ADAP1: variants seen among roughly 807,000 people sequenced by gnomAD.
ADAP1 encodes the protein arf-GAP with dual PH domain-containing protein 1.
ADAP1 carries 31 observed loss-of-function variants against 54.9 expected under a neutral mutation model. The ratio of observed to expected loss-of-function variants is 0.56; its 90% CI spans 0.42 to 0.76. The LOEUF (loss-of-function observed/expected upper bound fraction) is 0.76, where lower values mean the gene tolerates loss of function less well. Among genes scored for constraint, ADAP1 ranks in the 30% least tolerant of loss-of-function variants. The pLI, the probability that ADAP1 is intolerant of heterozygous loss-of-function variation, is 0.00. For missense variants in ADAP1, 535 were observed against 512.4 expected, an observed-to-expected ratio of 1.04 and a Z score of -0.42; for synonymous variants, 313 against 202.6, an observed-to-expected ratio of 1.55 and a Z score of -4.63.
intron 4 of ADAP1, among the ~76,000 whole-genome samples, chr7:910,187 G>C (rs575418679): frequency 4.6e-5 from 7 of 152,126 alleles, no homozygotes; most frequent in African/African-American, 1.7e-4. Flanking sequence ...ACAGTGAAGC[G>C]CGCACATCAC....
intron 4 of ADAP1, among the ~76,000 whole-genome samples, chr7:909,472 A>G (rs1479886861): frequency 6.6e-6 from 1 of 152,194 alleles, no homozygotes; most frequent in African/African-American, 2.4e-5. Context: ...TCCAGGGGCA[A>G]TGACGACGCA....
chr7:911,527 G>T (rs1367198619), intron 4 of ADAP1, among the ~76,000 whole-genome samples: 1 of 147,172 alleles, frequency 6.8e-6, no homozygotes, highest in East Asian at 2.5e-4. Context: ...AGACAAACAT[G>T]CCAGGAAAGG....
In ADAP1 at chr7:943,438, GGAGGAGGAAGGGAGC is replaced by G. The variant is rs1847037505; in HGVS notation, c.83-7948_83-7934del. Among the ~76,000 whole-genome samples the G allele has an allele frequency of 1.2e-3, 9 of 7,578 alleles. 3 individuals carry two copies. In the East Asian group the frequency reaches 0.02, roughly 17 times the overall value. 5.0% of individuals were successfully genotyped at this position (7,578 alleles called of 152,430 possible). ...GAAGGGAATGAGGAGGAGGAAGAGA[GGAGGAGGAAGGGAGC>G]GAGGAGGAAGGGAGAGAGGAGGAAG... On this transcript the variant is annotated intron_variant, in intron 1 of 10. Coordinates refer to ENST00000265846, the MANE Select transcript of ADAP1 (RefSeq NM_006869.4).
In ADAP1 at chr7:899,117, A is replaced by C. The variant is rs1342609947; in HGVS notation, c.1012T>G (p.Cys338Gly). 1 of 1,609,150 alleles carries C rather than the reference A, an allele frequency of 6.2e-7. No individual in the cohort carries two copies. The highest frequency in any genetic ancestry group is 2.2e-5 in the East Asian group (1 of 44,874). ...VTPDRKFLFA[C>G]ETESDQREWV... The stretch of plus-strand genomic sequence containing the variant: ...TCCCTCTGGTCGGACTCCGTCTCGC[A>C]GGCAAACAGAAACTTGCGGTCGGGC... Residue 338 changes from cysteine (C) to glycine (G), a missense_variant, in exon 10 of 11, where the codon TGC (cysteine) becomes GGC (glycine). Transcript: ENST00000265846.
intron 7 of ADAP1, 64 bp from the exon 8 acceptor site, chr7:900,228 C>T (rs1329248790): frequency 1.1e-5 from 17 of 1,580,334 alleles, no homozygotes; most frequent in African/African-American, 4.0e-5. Context: ...CCCTCCCTGG[C>T]TGTGCCCCTC....
chr7:903,221 G>C (rs1328288351), intron 6 of ADAP1, among the ~76,000 whole-genome samples: 1 of 152,172 alleles, frequency 6.6e-6, no homozygotes, highest in African/African-American at 2.4e-5. Flanking sequence ...CGTGCTCTGA[G>C]GCCAGGGGCT....
rs1177844676 is a variant in ADAP1 at position 898,461 on chromosome 7, TAGTCGTGG to T, written c.*452_*459del. ...TGACACACAACAGGCGCTCAATAAA[TAGTCGTGG>T]AGGTGGGGGGAGGGCGGGGCGGCAT... On this transcript the variant is annotated 3_prime_UTR_variant, in exon 11 of 11. Coordinates refer to ENST00000265846, the MANE Select transcript of ADAP1 (RefSeq NM_006869.4). The T allele has an allele frequency of 4.2e-6, 1 of 235,788 alleles. No individual in the cohort carries two copies. The highest frequency in any genetic ancestry group is 8.5e-6 in the Non-Finnish European group (1 of 117,708). 14.6% of individuals were successfully genotyped at this position (235,788 alleles called of 1,614,324 possible).
At chr7:903,503 C>A (rs1268948103) in intron 6 of ADAP1, among the ~76,000 whole-genome samples, 1 of 152,202 alleles carries the variant, frequency 6.6e-6, no homozygotes, top group South Asian at 2.1e-4. Context: ...CGTGTGCACA[C>A]AGACGTGTGA....
At chr7:902,555 C>A (rs1844875280) in intron 6 of ADAP1, among the ~76,000 whole-genome samples, 1 of 150,836 alleles carries the variant, frequency 6.6e-6, no homozygotes, top group Non-Finnish European at 1.5e-5. Flanking sequence ...AGAAACAAAA[C>A]CCTCAACACA....
chr7:905,081 C>A lies in ADAP1; in HGVS notation c.480G>T (p.Leu160=), dbSNP rs1344512557. The change falls in exon 5 of 11, where the codon CTG becomes CTT. Residue 160 remains leucine, a synonymous_variant. Transcript: ENST00000265846. Reference sequence around the variant, plus strand: ...TCACATCATTTCTGTTGAAATACTTCAGAGCACCCTCTCGTTCTGTCAGCA... The same window carrying A: ...TCACATCATTTCTGTTGAAATACTTAAGAGCACCCTCTCGTTCTGTCAGCA... ...KFVLTEREGA[L]KYFNRNDAKE... is the part of the protein sequence containing the mutation. The A allele has an allele frequency of 6.2e-7, 1 of 1,611,900 alleles. No individual in the cohort carries two copies. The highest frequency in any genetic ancestry group is 1.1e-5 in the South Asian group (1 of 91,086).
Position 900,603 on chromosome 7 carries a change from C to A in ADAP1, c.662G>T (p.Trp221Leu). The A allele has an allele frequency of 6.3e-7, 1 of 1,599,914 alleles. No homozygotes were observed. Among genetic ancestry groups the A allele is most frequent in the Non-Finnish European group, 8.5e-7 (1 of 1,175,218 alleles). Residue 221 changes from tryptophan (W) to leucine (L), a missense_variant, in exon 7 of 11, where the codon TGG becomes TTG. Coordinates refer to ENST00000265846, the MANE Select transcript of ADAP1 (RefSeq NM_006869.4). ...YHEDGKEIVD[W>L]FNALRAARFH... Reference sequence around the variant, plus strand: ...GCGAGCAGCTCGGAGTGCATTGAACCAGTCCACAATCTCCTAGGGGCAAAG... The same window carrying A: ...GCGAGCAGCTCGGAGTGCATTGAACAAGTCCACAATCTCCTAGGGGCAAAG...
chr7:934,698 G>A (rs1449994276), intron 2 of ADAP1, among the ~76,000 whole-genome samples: 2 of 152,128 alleles, frequency 1.3e-5, no homozygotes, highest in Admixed American at 6.5e-5. Context: ...CCTTCCTGCC[G>A]CCTCCAGCAT....
intron 4 of ADAP1, among the ~76,000 whole-genome samples, chr7:906,746 T>G (rs1432071158): frequency 4.3e-5 from 1 of 23,234 alleles, no homozygotes; most frequent in African/African-American, 2.0e-4. Context: ...ACAGAGTACA[T>G]AGGGGACATG....
chr7:903,108 G>A (rs1000183020), intron 6 of ADAP1, among the ~76,000 whole-genome samples: 2 of 152,174 alleles, frequency 1.3e-5, no homozygotes, highest in African/African-American at 2.4e-5. Context: ...GGCTCCTGGT[G>A]CCCGACTGCC....
At position 936,268 on chromosome 7, in the gene ADAP1, T is replaced by C. The variant is rs530052741; in HGVS notation, c.83-763A>G. Among the ~76,000 whole-genome samples, 92 of 152,004 alleles carry C rather than the reference T, an allele frequency of 6.1e-4. 1 individual carries two copies. The highest frequency in any genetic ancestry group is 2.9e-3 in the South Asian group (14 of 4,822). On this transcript the variant is annotated intron_variant, in intron 1 of 10. Coordinates refer to ENST00000265846, the MANE Select transcript of ADAP1 (RefSeq NM_006869.4). ...CAGGCTGGAGTATGATGGCACGATC[T>C]CGGCTCGCTGCAACCTCTGCCTCCC...
chr7:924,941 G>T (rs139200274), intron 3 of ADAP1, among the ~76,000 whole-genome samples: 2,090 of 152,164 alleles, frequency 0.014, 33 homozygotes, highest in African/African-American at 0.047. Context: ...GGCTCAGGGG[G>T]AGACAGCAGC....
intron 2 of ADAP1, among the ~76,000 whole-genome samples, chr7:934,390 A>C (rs200632212): frequency 4.1e-5 from 3 of 73,228 alleles, no homozygotes; most frequent in African/African-American, 9.1e-5. Flanking sequence ...GGTGTTGGAG[A>C]GGGGGGGCCC....
chr7:939,568 C>T (rs915074710), intron 1 of ADAP1, among the ~76,000 whole-genome samples: 4 of 150,634 alleles, frequency 2.7e-5, no homozygotes, highest in African/African-American at 7.3e-5. Context: ...TGGTGGCTCA[C>T]ACCTGTAATC....
At position 932,779 on chromosome 7, in the gene ADAP1, C is replaced by T. The variant is rs562266189; in HGVS notation, c.213+2596G>A. 1.4e-4 allele frequency among the ~76,000 whole-genome samples: 22 copies of T among 152,282 alleles called. No homozygotes were observed. The East Asian group carries it at 3.7e-3, about 25-fold the overall frequency. ...CAGGTCAGTGAAGGTGGGTCGAAGG[C>T]GGTGAGCCCAAGGTGGGCCGGGGTC... On this transcript the variant is annotated intron_variant, in intron 2 of 10. Transcript: ENST00000265846.
Sources: allele counts gnomAD v4.1 joint callset (sites outside exome capture counted in the v4.1 genomes callset), GRCh38; gene constraint gnomAD v4.1.1; transcripts MANE v1.5; gene names NCBI Gene and HGNC (gene_info 2026-07-23, HGNC 2026-07-21).